JMJD1C: variants seen among roughly 807,000 people sequenced by gnomAD.
The protein encoded by JMJD1C is jumonji domain-containing protein 1C.
A neutral mutation model predicts 245.3 loss-of-function variants in JMJD1C; 31 were observed. The ratio of observed to expected loss-of-function variants is 0.13; its 90% confidence interval spans 0.09 to 0.17. JMJD1C has a LOEUF of 0.17. JMJD1C is among the 10% of genes least tolerant of loss of function. JMJD1C has a pLI of 1.00. For synonymous variants in JMJD1C, 1,057 were observed against 1,017.4 expected (o/e 1.04, Z -0.74); for missense variants, 2,691 against 3,000.2 (o/e 0.90, Z 2.41).
Position 63,198,523 on chromosome 10 carries a change from C to T in JMJD1C, c.5481G>A (p.Val1827=). 6.4e-7 allele frequency: 1 copy of T among 1,573,828 alleles called. No individual in the cohort carries two copies. Among genetic ancestry groups the T allele is most frequent in the Non-Finnish European group, 8.7e-7 (1 of 1,155,996 alleles). The change falls in exon 12 of 26, where the codon GTG becomes GTA. Residue 1827 remains valine (V), a synonymous_variant. Coordinates refer to ENST00000399262, the MANE Select transcript of JMJD1C (RefSeq NM_032776.3). The stretch of plus-strand genomic sequence containing the variant: ...ATTTAACTTCCTTACCATCCTTTTT[C>T]ACCCAGGACAAAGCTGTTTTTTCAG... ...VTSEKTALSW[V]KKDAKIAWKR... is the part of the protein sequence containing the mutation.
At chr10:63,222,364 T>G in intron 3 of JMJD1C, 1 of 1,095,216 alleles carries the variant, frequency 9.1e-7, no homozygotes, top group Non-Finnish European at 1.4e-6. Context: ...ATCATATGTT[T>G]TTCAGTACAG....
chr10:63,454,408 C>G (rs1001189951), intron 1 of JMJD1C, among the ~76,000 whole-genome samples: 9 of 152,014 alleles, frequency 5.9e-5, no homozygotes, highest in African/African-American at 2.2e-4. Context: ...CAGGCTTGCA[C>G]CACCACACCC....
chr10:63,455,410 T>G (rs184211122), intron 1 of JMJD1C, among the ~76,000 whole-genome samples: 1 of 152,334 alleles, frequency 6.6e-6, no homozygotes, highest in African/African-American at 2.4e-5. Context: ...TCATGAACTT[T>G]AGTCATATTT....
chr10:63,224,861 AGACCAT>A (rs1347446621), intron 3 of JMJD1C, among the ~76,000 whole-genome samples: 1 of 152,050 alleles, frequency 6.6e-6, no homozygotes, highest in Non-Finnish European at 1.5e-5. Flanking sequence ...CAGGAGTTCG[AGACCAT>A]CCTGGCCAAC....
At chr10:63,219,789 T>G (rs949814480) in intron 4 of JMJD1C, 89 bp downstream of exon 4, 2 of 805,812 alleles carry the variant, frequency 2.5e-6, no homozygotes, top group Non-Finnish European at 4.2e-6. Context: ...GGCCTTCTAT[T>G]TATATTGCAC....
At chr10:63,224,000 C>T (rs1026827109) in intron 3 of JMJD1C, among the ~76,000 whole-genome samples, 12 of 152,100 alleles carry the variant, frequency 7.9e-5, no homozygotes, top group African/African-American at 1.4e-4. Context: ...GATCCGCCTG[C>T]GTCCGCCTCC....
intron 1 of JMJD1C, among the ~76,000 whole-genome samples, chr10:63,382,493 T>C (rs1355404860): frequency 6.6e-6 from 1 of 152,178 alleles, no homozygotes; most frequent in Non-Finnish European, 1.5e-5. Context: ...CCAAATTCCA[T>C]GGCTTTTCAT....
At chr10:63,274,564 CA>C (rs964046227) in intron 2 of JMJD1C, among the ~76,000 whole-genome samples, 18 of 136,100 alleles carry the variant, frequency 1.3e-4, no homozygotes, top group African/African-American at 1.1e-4. Context: ...GACTCAGTCT[CA>C]AAAAAAAAAA....
At chr10:63,486,328 G>A (rs994910084) in intron 1 of JMJD1C, among the ~76,000 whole-genome samples, 1 of 152,014 alleles carries the variant, frequency 6.6e-6, no homozygotes, top group African/African-American at 2.4e-5. Context: ...GCTGAAGGTG[G>A]ATATGTTAGC....
At chr10:63,491,702 T>C (rs1375544192) in intron 1 of JMJD1C, among the ~76,000 whole-genome samples, 3 of 152,244 alleles carry the variant, frequency 2.0e-5, no homozygotes, top group African/African-American at 7.2e-5. Flanking sequence ...CATACTGTTA[T>C]GACACAATCC....
chr10:63,477,529 C>T (rs1282659992), intron 1 of JMJD1C, among the ~76,000 whole-genome samples: 7 of 144,022 alleles, frequency 4.9e-5, no homozygotes, highest in East Asian at 4.1e-4. Flanking sequence ...CAAATGGTGC[C>T]GGAACAATTT....
Position 63,197,412 on chromosome 10 carries a change from T to C in JMJD1C, c.5643A>G (p.Arg1881=). 1 of 1,612,692 alleles carries C rather than the reference T, an allele frequency of 6.2e-7. No individual in the cohort carries two copies. The highest frequency in any genetic ancestry group is 8.5e-7 in the Non-Finnish European group (1 of 1,179,506). ...CYKAKERKSS[R]DKELYAWMKC... ...ATTTATATAAACTTATACACCAACCTCTAGAACTCTTCCTTTCCTTTGCCT... is the reference window on the plus strand; with the variant it reads ...ATTTATATAAACTTATACACCAACCCCTAGAACTCTTCCTTTCCTTTGCCT... The change falls in exon 13 of 26, where the codon AGA becomes AGG. Residue 1881 remains arginine (R), a splice_region_variant and synonymous_variant. Coordinates refer to ENST00000399262, the MANE Select transcript of JMJD1C (RefSeq NM_032776.3).
At chr10:63,454,257 A>ATTTTTTTTTTTTTTT (rs112838462) in intron 1 of JMJD1C, among the ~76,000 whole-genome samples, 1 of 146,066 alleles carries the variant, frequency 6.8e-6, no homozygotes. Flanking sequence ...GGAGAAATTG[A>ATTTTTTTTTTTTTTT]TTTTTTTTTT....
chr10:63,405,810 T>C (rs920317714), intron 1 of JMJD1C, among the ~76,000 whole-genome samples: 1 of 152,204 alleles, frequency 6.6e-6, no homozygotes, highest in Non-Finnish European at 1.5e-5. Context: ...GGGCCTGACA[T>C]ACATTAGGAA....
intron 2 of JMJD1C, among the ~76,000 whole-genome samples, chr10:63,354,722 A>T (rs1038602410): frequency 1.3e-5 from 2 of 151,764 alleles, no homozygotes; most frequent in Non-Finnish European, 2.9e-5. Context: ...TCTGAATTAA[A>T]AATAGACAGC....
intron 1 of JMJD1C, among the ~76,000 whole-genome samples, chr10:63,500,779 G>GGATT (rs1430282409): frequency 6.6e-6 from 1 of 151,804 alleles, no homozygotes; most frequent in Non-Finnish European, 1.5e-5. Context: ...ATGGATGGAT[G>GGATT]GATGGATGGA....
intron 1 of JMJD1C, among the ~76,000 whole-genome samples, chr10:63,449,054 C>A (rs942499966): frequency 6.6e-6 from 1 of 152,014 alleles, no homozygotes; most frequent in Non-Finnish European, 1.5e-5. Flanking sequence ...GAGGCAGAGG[C>A]TGCAGTGAGC....
At chr10:63,205,558 T>C (rs1055812682) in intron 10 of JMJD1C, among the ~76,000 whole-genome samples, 2 of 152,174 alleles carry the variant, frequency 1.3e-5, no homozygotes, top group African/African-American at 4.8e-5. Flanking sequence ...TTATAAGGAA[T>C]CTAGAAATGA....
rs1845580579 is a variant in JMJD1C, at chr10:63,197,411, C to T, written c.5644G>A (p.Asp1882Asn). 6.2e-7 allele frequency: 1 copy of T among 1,612,274 alleles called. No individual in the cohort carries two copies. Among genetic ancestry groups the T allele is most frequent in the African/African-American group, 1.3e-5 (1 of 74,776 alleles). Residue 1882 changes from aspartate (D) to asparagine (N), a missense_variant and splice_region_variant, in exon 13 of 26, where the codon GAT becomes AAT. By Grantham distance (23) the Asp-to-Asn change is conservative. Transcript: ENST00000399262. ...AATTTATATAAACTTATACACCAAC[C>T]TCTAGAACTCTTCCTTTCCTTTGCC... ...YKAKERKSSR[D>N]KELYAWMKCV...
Sources: allele counts gnomAD v4.1 joint callset (sites outside exome capture counted in the v4.1 genomes callset), GRCh38; gene constraint gnomAD v4.1.1; transcripts MANE v1.5; gene names NCBI Gene and HGNC (gene_info 2026-07-23, HGNC 2026-07-21).